TTN: variants seen among roughly 807,000 people sequenced by gnomAD.
The protein encoded by TTN is titin, also known as connectin.
A neutral mutation model predicts 3,223.0 loss-of-function variants in TTN; 1,525 were observed. The observed-to-expected ratio is 0.47, with a 90% confidence interval of 0.45 to 0.49. The LOEUF is 0.49. Among genes scored for constraint, TTN ranks in the 20% least tolerant of loss-of-function variants. The pLI is 0.00. For missense variants in TTN, 40,786 were observed against 43,424.0 expected (o/e 0.94, Z 5.40); for synonymous variants, 14,094 against 15,161.0 (o/e 0.93, Z 5.17).
rs759341746 is a variant in TTN at position 178,539,737 on chromosome 2, A to C, written c.98328T>G (p.Val32776=). The C allele has an allele frequency of 3.1e-6, 5 of 1,613,762 alleles. 1 individual carries two copies. In the South Asian group the frequency reaches 5.5e-5, roughly 18 times the overall value. The part of the protein sequence containing the change: ...DRGDSGTYDL[V]LENKCGKKAV... ...CCTTCTTGCCACATTTATTTTCCAG[A>C]ACCAGGTCATAAGTGCCAGAATCAC... is the stretch of plus-strand genomic sequence containing the variant. Residue 32776 remains valine, a synonymous_variant, in exon 352 of 363, where the codon GTT becomes GTG. Coordinates refer to ENST00000589042, the MANE Select transcript of TTN (RefSeq NM_001267550.2).
rs758865562 is a variant in TTN at position 178,723,409 on chromosome 2, T to G, written c.21682+9A>C. On this transcript the variant is annotated intron_variant, in intron 74 of 362. Coordinates refer to ENST00000589042, the MANE Select transcript of TTN (RefSeq NM_001267550.2). ...AGAAAACAGAAAAAGTGAATCCACT[T>G]GAGCAAACCTTTCACAAAGAGACGG... 6.2e-7 allele frequency: 1 copy of G among 1,608,052 alleles called. No homozygotes were observed.
In TTN at chr2:178,801,986, A is replaced by C; in HGVS notation, c.295+152T>G. On this transcript the variant is annotated intron_variant, in intron 3 of 362. Coordinates refer to ENST00000589042, the MANE Select transcript of TTN (RefSeq NM_001267550.2). ...AAAATTAAATTCCAAAAGGCAAACA[A>C]CTTGGTTATAAATAATTCAGCCTCC... The C allele has an allele frequency of 3.2e-6, 3 of 937,030 alleles. No individual in the cohort carries two copies. In the South Asian group the frequency reaches 4.4e-5, roughly 14 times the overall value. The allele number at this position is 937,030 out of a possible 1,614,324, so 58.0% of individuals were successfully genotyped here.
intron 47 of TTN, chr2:178,742,797 C>CA (rs1208297407): frequency 5.3e-5 from 8 of 151,994 alleles, no homozygotes; most frequent in African/African-American, 1.9e-4. Flanking sequence ...ATTGCCTTAG[C>CA]AAAAGGCAGT....
In TTN at chr2:178,799,741, A is replaced by T. The variant is rs1384575222; in HGVS notation, c.670-10T>A. ...AGTGGGCTTCAATCTTCTGTAAAAG[A>T]TTAAAACAAAGCCCACGTTGAGGAG... On this transcript the variant is annotated splice_polypyrimidine_tract_variant and intron_variant, in intron 5 of 362. Transcript: ENST00000589042. 6.2e-7 allele frequency: 1 copy of T among 1,614,228 alleles called. No homozygotes were observed. The highest frequency in any genetic ancestry group is 1.7e-5 in the Admixed American group (1 of 60,038).
Position 178,528,396 on chromosome 2 carries a change from C to T in TTN, c.107255G>A (p.Arg35752His), listed in dbSNP as rs760107623. The T allele has an allele frequency of 2.8e-5, 45 of 1,613,514 alleles. No individual in the cohort carries two copies. Among genetic ancestry groups the T allele is most frequent in the East Asian group, 2.0e-4 (9 of 44,896 alleles). The change falls in exon 361 of 363, where the codon CGC becomes CAC. Residue 35752 changes from arginine to histidine, a missense_variant. Arg to His is a conservative substitution (Grantham distance 29). Coordinates refer to ENST00000589042, the MANE Select transcript of TTN (RefSeq NM_001267550.2). ...ISISSNVSIS[R>H]SRNVYSLEIR... is the part of the protein sequence containing the mutation. ...TTCAAGGGAGTATACATTTCTGGAG[C>T]GGCTTATGCTGACATTTGAAGAAAT...
rs1006952712 is a variant in TTN, at chr2:178,723,826, A to T, written c.21403+30T>A. 7 of 1,568,064 alleles carry T rather than the reference A, an allele frequency of 4.5e-6. No homozygotes were observed. The African/African-American group carries it at 6.8e-5, about 15-fold the overall frequency. Reference sequence around the variant, plus strand: ...TGCACCTGAAGAGGAATTTGTAAGAAATTCCTTACAAGTTTGACTGTCTAC... The same window carrying T: ...TGCACCTGAAGAGGAATTTGTAAGATATTCCTTACAAGTTTGACTGTCTAC... On this transcript the variant is annotated intron_variant, in intron 73 of 362. Transcript: ENST00000589042.
chr2:178,789,616 G>A (rs1216568615), intron 12 of TTN, 119 bp from the exon 13 acceptor site: 1 of 1,337,396 alleles, frequency 7.5e-7, no homozygotes. Context: ...ATACACAAGA[G>A]AAATAAACTT....
In TTN at chr2:178,718,587, A is replaced by G. The variant is rs878999612; in HGVS notation, c.24519T>C (p.Phe8173=). Residue 8173 remains phenylalanine (F), a synonymous_variant, in exon 85 of 363, where the codon TTT becomes TTC. Transcript: ENST00000589042. ...THLFVKEPAT[F]VKRLADFSVE... ...CACTGAAATCAGCCAATCTTTTCAC[A>G]AAGGTGGCTGGTTCTATAAGGAGAA... 1.2e-5 allele frequency: 20 copies of G among 1,612,192 alleles called. No homozygotes were observed. Among genetic ancestry groups the G allele is most frequent in the Non-Finnish European group, 1.7e-5 (20 of 1,178,798 alleles).
intron 117 of TTN, 39 bp downstream of exon 117, chr2:178,694,560 A>C (rs781194538): frequency 6.6e-7 from 1 of 1,506,296 alleles, no homozygotes; most frequent in Non-Finnish European, 9.0e-7. Flanking sequence ...CATAAATAAA[A>C]AAATTTTGAA....
chr2:178,746,616 C>T (rs1320754505), intron 47 of TTN: 11 of 1,613,178 alleles, frequency 6.8e-6, no homozygotes, highest in Non-Finnish European at 9.3e-6. Context: ...TTTGCTTCCC[C>T]TATGATGTTT....
chr2:178,739,996 C>G lies in TTN; in HGVS notation c.13237G>C (p.Gly4413Arg). 1.2e-6 allele frequency: 2 copies of G among 1,613,914 alleles called. No individual in the cohort carries two copies. Among genetic ancestry groups the G allele is most frequent in the Non-Finnish European group, 1.7e-6 (2 of 1,179,830 alleles). The change falls in exon 48 of 363, where the codon GGT (glycine) becomes CGT (arginine). Residue 4413 changes from glycine (G) to arginine (R), a missense_variant. Gly to Arg is a moderately radical substitution (Grantham distance 125). Transcript: ENST00000589042. ...TTTCTTAGCCACTCAGAGAAAAGAC[C>G]TGGCTGCTCGCTGGCCACGGCTGCT... Reference protein sequence around the residue: ...LQAAVASEQPGLFSEWLRNIE... With the variant: ...LQAAVASEQPRLFSEWLRNIE...
At chr2:178,750,637 G>T (rs533540386) in intron 47 of TTN, 2 of 1,612,670 alleles carry the variant, frequency 1.2e-6, no homozygotes, top group Non-Finnish European at 1.7e-6. Flanking sequence ...CCTTCTGTTC[G>T]GTTTTGAATT....
chr2:178,666,893 C>T lies in TTN; in HGVS notation c.35806G>A (p.Val11936Ile). 1 of 1,553,668 alleles carries T rather than the reference C, an allele frequency of 6.4e-7. No homozygotes were observed. The highest frequency in any genetic ancestry group is 8.7e-7 in the Non-Finnish European group (1 of 1,150,088). Reference protein sequence around the residue: ...PEHPPTEEFEVFKEVIPEGET... With the variant: ...PEHPPTEEFEIFKEVIPEGET... ...CCCTCTGGAATGACTTCCTTGAAGA[C>T]TTCAAACTCTTTAAAGATATTAGTA... Residue 11936 changes from valine (V) to isoleucine (I), a missense_variant, in exon 163 of 363, where the codon GTC becomes ATC. Physicochemically the swap from Val to Ile is conservative, Grantham distance 29. Coordinates refer to ENST00000589042, the MANE Select transcript of TTN (RefSeq NM_001267550.2).
chr2:178,695,908 G>A lies in TTN; in HGVS notation c.31164C>T (p.Tyr10388=), dbSNP rs794727040. 1 of 1,469,474 alleles carries A rather than the reference G, an allele frequency of 6.8e-7. No individual in the cohort carries two copies. The highest frequency in any genetic ancestry group is 9.0e-7 in the Non-Finnish European group (1 of 1,111,868). The allele number at this position is 1,469,474 out of a possible 1,614,324, so 91.0% of individuals were successfully genotyped here. ...DEGEEEWEEA[Y]QEREVIQVQK... ...GAACTTGAATTACTTCCCTTTCTTGGTAAGCCTCTTCCCACTCTTCCTCCC... is the reference window on the plus strand; with the variant it reads ...GAACTTGAATTACTTCCCTTTCTTGATAAGCCTCTTCCCACTCTTCCTCCC... The change falls in exon 114 of 363, where the codon TAC becomes TAT. Residue 10388 remains tyrosine (Y), a synonymous_variant. Transcript: ENST00000589042.
At position 178,531,770 on chromosome 2, in the gene TTN, G is replaced by A. The variant is rs576270358; in HGVS notation, c.104845C>T (p.Arg34949Cys). 1.6e-5 allele frequency: 26 copies of A among 1,613,978 alleles called. No homozygotes were observed. The highest frequency in any genetic ancestry group is 3.3e-4 in the Middle Eastern group (2 of 6,060). Reference sequence around the variant, plus strand: ...TGGCCACATGGTACCCTGTGCGAGCGCATTCTCAGTGTGATTCGAGGGGCA... The same window carrying A: ...TGGCCACATGGTACCCTGTGCGAGCACATTCTCAGTGTGATTCGAGGGGCA... ...DHAPRITLRMRSHRVPCGQNT... is the reference protein window; with the variant it reads ...DHAPRITLRMCSHRVPCGQNT... The change falls in exon 358 of 363, where the codon CGC becomes TGC. Residue 34949 changes from arginine to cysteine, a missense_variant. Arg to Cys is a radical substitution (Grantham distance 180). Transcript: ENST00000589042.
In TTN at chr2:178,549,922, C is replaced by G. The variant is rs559109161; in HGVS notation, c.91853-53G>C. 3.2e-5 allele frequency: 50 copies of G among 1,545,550 alleles called. No homozygotes were observed. The East Asian group carries it at 1.1e-3, about 33-fold the overall frequency. On this transcript the variant is annotated intron_variant, in intron 337 of 362. Transcript: ENST00000589042. ...TTCTTTTTCCTTGTCCATTAAAATA[C>G]AACTAGGCATGTCTCTAATCCAAGT...
At chr2:178,778,105 A>C in intron 24 of TTN, 130 bp from the exon 25 acceptor site, 6 of 1,123,614 alleles carry the variant, frequency 5.3e-6, no homozygotes, top group Non-Finnish European at 7.7e-6. Context: ...AAGGCACCTC[A>C]AACTCATTCA....
At chr2:178,538,052 A>C in intron 354 of TTN, 135 bp from the exon 355 acceptor site, 1 of 863,668 alleles carries the variant, frequency 1.2e-6, no homozygotes, top group Non-Finnish European at 1.7e-6. Context: ...ATTCTTAAAA[A>C]CTCTTTGAAG....
chr2:178,625,180 T>C (rs2058842991), intron 241 of TTN, 93 bp downstream of exon 241: 3 of 1,426,578 alleles, frequency 2.1e-6, no homozygotes, highest in Non-Finnish European at 2.8e-6. Flanking sequence ...ATTTTAAACA[T>C]CTATAGTACT....
Sources: allele counts gnomAD v4.1 joint callset, GRCh38; gene constraint gnomAD v4.1.1; transcripts MANE v1.5; gene names NCBI Gene and HGNC (gene_info 2026-07-23, HGNC 2026-07-21).